Variants in CHD9 observed in about 807,000 individuals in gnomAD.
CHD9 encodes ATP-dependent chromatin remodeler CHD9.
Under a neutral mutation model 316.1 loss-of-function variants are expected in CHD9, and 77 were observed. The ratio of observed to expected loss-of-function variants is 0.24; its 90% confidence interval spans 0.20 to 0.29. The LOEUF (loss-of-function observed/expected upper bound fraction) is 0.29, where lower values mean the gene tolerates loss of function less well. Ranked by LOEUF, CHD9 falls within the 10% of genes least tolerant of loss-of-function variation. CHD9 has a pLI of 1.00. For missense variants in CHD9, 2,763 were observed against 3,438.1 expected (o/e 0.80, Z 4.91); for synonymous variants, 1,129 against 1,158.3 (o/e 0.97, Z 0.51).
At chr16:53,212,970 C>G (rs1361440354) in intron 3 of CHD9, among the ~76,000 whole-genome samples, 1 of 152,098 alleles carries the variant, frequency 6.6e-6, no homozygotes, top group Non-Finnish European at 1.5e-5. Context: ...AATAGCATAG[C>G]TATTTAAGGA....
chr16:53,235,717 G>T (rs1429256291), intron 11 of CHD9, among the ~76,000 whole-genome samples: 1 of 152,106 alleles, frequency 6.6e-6, no homozygotes, highest in Non-Finnish European at 1.5e-5. Context: ...GAAGTAGGTT[G>T]TCAGCAATAG....
chr16:53,119,708 T>G lies in CHD9; in HGVS notation c.-164-36218T>G, dbSNP rs750514907. Among the ~76,000 whole-genome samples the G allele has an allele frequency of 3.3e-5, 5 of 152,284 alleles. No homozygotes were observed. The East Asian group carries it at 9.6e-4, about 29-fold the overall frequency. On this transcript the variant is annotated intron_variant, in intron 1 of 38. Coordinates refer to ENST00000447540, the MANE Select transcript of CHD9 (RefSeq NM_001308319.2). ...TTAGCCAGGCGTGTTGGCGCATGCC[T>G]GTAATCCCAGCTACTTGGGAGGCTG...
intron 1 of CHD9, among the ~76,000 whole-genome samples, chr16:53,095,801 T>C (rs373854647): frequency 1.3e-5 from 2 of 152,304 alleles, no homozygotes. Context: ...AAGCTGATCA[T>C]TTTTGTCTGT....
rs1399016293 is a variant in CHD9, at chr16:53,180,034, T to TC, written c.1452+22493_1452+22494insC. Among the ~76,000 whole-genome samples, 3 of 150,550 alleles carry TC rather than the reference T, an allele frequency of 2.0e-5. No homozygotes were observed. In the East Asian group the frequency reaches 5.8e-4, roughly 29 times the overall value. On this transcript the variant is annotated intron_variant, in intron 2 of 38. Transcript: ENST00000447540. ...TGAATTGTTACCTTACCTTCTTTTT[T>TC]TTTTTTTTTTGAGACTGAGTCTTGC...
At chr16:53,060,920 CTTTTT>C (rs549828992) in intron 1 of CHD9, among the ~76,000 whole-genome samples, 3 of 99,414 alleles carry the variant, frequency 3.0e-5, no homozygotes, top group Non-Finnish European at 6.0e-5. Context: ...GATGTTGTCT[CTTTTT>C]TTTTTTTTTT....
intron 1 of CHD9, among the ~76,000 whole-genome samples, chr16:53,112,476 AGT>A (rs1157011924): frequency 6.6e-6 from 1 of 152,198 alleles, no homozygotes; most frequent in Non-Finnish European, 1.5e-5. Context: ...TGTTGTTCTA[AGT>A]GTAACGTGTT....
Position 53,137,419 on chromosome 16 carries a change from G to A in CHD9, c.-164-18507G>A, listed in dbSNP as rs1205993201. On this transcript the variant is annotated intron_variant, in intron 1 of 38. Transcript: ENST00000447540. The stretch of plus-strand genomic sequence containing the variant: ...CATCTTTCGGTGCACATGTGCCCAC[G>A]TTTCTGTCAAGTTTGTATTTCTGGA... 2.6e-5 allele frequency among the ~76,000 whole-genome samples: 4 copies of A among 152,104 alleles called. No homozygotes were observed. The East Asian group carries it at 7.7e-4, about 29-fold the overall frequency.
At chr16:53,135,978 A>G (rs2039683268) in intron 1 of CHD9, among the ~76,000 whole-genome samples, 1 of 152,164 alleles carries the variant, frequency 6.6e-6, no homozygotes. Flanking sequence ...AAGTTTTATA[A>G]TCTTGATATT....
At chr16:53,154,107 T>C (rs1451895238) in intron 1 of CHD9, among the ~76,000 whole-genome samples, 2 of 152,220 alleles carry the variant, frequency 1.3e-5, no homozygotes, top group Admixed American at 1.3e-4. Flanking sequence ...AGGGACAATA[T>C]TGAATTCATA....
intron 1 of CHD9, among the ~76,000 whole-genome samples, chr16:53,148,978 A>G (rs1262295981): frequency 6.6e-6 from 1 of 152,028 alleles, no homozygotes; most frequent in Admixed American, 6.6e-5. Flanking sequence ...TTCAATTTTC[A>G]TTTGCGTATT....
At chr16:53,189,932 C>T (rs543894739) in intron 2 of CHD9, among the ~76,000 whole-genome samples, 1 of 152,098 alleles carries the variant, frequency 6.6e-6, no homozygotes, top group African/African-American at 2.4e-5. Flanking sequence ...TGTTTTTTTG[C>T]ATCTATATTA....
chr16:53,154,038 A>G (rs1055085921), intron 1 of CHD9, among the ~76,000 whole-genome samples: 2 of 152,176 alleles, frequency 1.3e-5, no homozygotes, highest in African/African-American at 4.8e-5. Flanking sequence ...TTTAATCCTT[A>G]CTGGATACAG....
chr16:53,256,742 A>C (rs1425735218), intron 19 of CHD9, among the ~76,000 whole-genome samples: 1 of 151,346 alleles, frequency 6.6e-6, no homozygotes, highest in African/African-American at 2.4e-5. Flanking sequence ...ACCTGCACTA[A>C]TTGCAGAAAA....
intron 19 of CHD9, among the ~76,000 whole-genome samples, chr16:53,256,531 C>T (rs2050617241): frequency 6.6e-6 from 1 of 151,128 alleles, no homozygotes; most frequent in Admixed American, 6.6e-5. Flanking sequence ...CCATGTTAGC[C>T]AGTCTGGTCT....
chr16:53,247,689 A>T, intron 16 of CHD9, 186 bp downstream of exon 16: 1 of 558,888 alleles, frequency 1.8e-6, no homozygotes, highest in South Asian at 2.4e-5. Flanking sequence ...ATATGTTGCA[A>T]TATTAGATGT....
intron 2 of CHD9, chr16:53,208,738 G>C: frequency 1.0e-6 from 1 of 983,788 alleles, no homozygotes; most frequent in Non-Finnish European, 1.2e-6. Flanking sequence ...TGTGATCTAA[G>C]TATATGTGGA....
At chr16:53,093,407 G>C (rs1354482452) in intron 1 of CHD9, among the ~76,000 whole-genome samples, 4 of 152,210 alleles carry the variant, frequency 2.6e-5, no homozygotes, top group African/African-American at 7.2e-5. Flanking sequence ...TAGCCAAGAT[G>C]CAATTAATGT....
intron 1 of CHD9, among the ~76,000 whole-genome samples, chr16:53,146,419 G>GTGTATATA (rs1555492145): frequency 3.3e-4 from 25 of 76,664 alleles, no homozygotes; most frequent in African/African-American, 1.5e-3. Flanking sequence ...GTGTGTGTAT[G>GTGTATATA]TATATATATA....
intron 2 of CHD9, among the ~76,000 whole-genome samples, chr16:53,178,621 G>T (rs2043259252): frequency 6.6e-6 from 1 of 151,588 alleles, no homozygotes; most frequent in Non-Finnish European, 1.5e-5. Flanking sequence ...GGCATGCCTG[G>T]CTAATAATTT....
Sources: gnomAD v4.1 joint callset for allele counts (sites outside exome capture counted in the v4.1 genomes callset) on GRCh38, gnomAD v4.1.1 for gene constraint, MANE v1.5 for transcripts, NCBI Gene and HGNC (gene_info 2026-07-23, HGNC 2026-07-21) for gene names.